Variants in GRID2 observed in about 807,000 individuals in gnomAD.
The protein encoded by GRID2 is glutamate receptor ionotropic, delta-2.
In GRID2, 33 loss-of-function variants were observed where a neutral mutation model predicts 114.8. The observed-to-expected ratio is 0.29, with a 90% CI of 0.22 to 0.38. GRID2 has a LOEUF of 0.38. Ranked by LOEUF, GRID2 falls within the 10% of genes least tolerant of loss-of-function variation. The pLI is 1.00. For synonymous variants in GRID2, 505 were observed against 449.9 expected, an observed-to-expected ratio of 1.12 and a Z score of -1.55; for missense variants, 1,184 against 1,257.7, an observed-to-expected ratio of 0.94 and a Z score of 0.89.
intron 1 of GRID2, among the ~76,000 whole-genome samples, chr4:92,537,214 T>G (rs145720097): frequency 1.5e-3 from 221 of 152,338 alleles, no homozygotes; most frequent in African/African-American, 5.1e-3. Context: ...AGGGATTCAC[T>G]TTGGTTATGA....
At chr4:92,962,153 C>T (rs1290513166) in intron 2 of GRID2, among the ~76,000 whole-genome samples, 3 of 151,906 alleles carry the variant, frequency 2.0e-5, no homozygotes, top group Non-Finnish European at 4.4e-5. Flanking sequence ...AACATCCCTG[C>T]CTTATCTGAG....
chr4:92,761,357 C>T (rs553526694), intron 2 of GRID2, among the ~76,000 whole-genome samples: 2 of 152,244 alleles, frequency 1.3e-5, no homozygotes, highest in South Asian at 2.1e-4. Flanking sequence ...GCTATTTGTA[C>T]TCTTTCACTG....
At chr4:93,239,181 TA>T (rs1747171127) in intron 8 of GRID2, among the ~76,000 whole-genome samples, 2 of 147,516 alleles carry the variant, frequency 1.4e-5, no homozygotes, top group Non-Finnish European at 3.0e-5. Flanking sequence ...AATATATATA[TA>T]TATAGCAAAT....
chr4:93,168,297 AAGAG>A (rs905103661), intron 4 of GRID2, among the ~76,000 whole-genome samples: 1 of 152,000 alleles, frequency 6.6e-6, no homozygotes, highest in Non-Finnish European at 1.5e-5. Flanking sequence ...GGAAGAAAGA[AAGAG>A]AAAGAAAGAC....
intron 8 of GRID2, among the ~76,000 whole-genome samples, chr4:93,244,594 ATTATATATTAATTAATAGATTATATAATC>A (rs1747975105): frequency 1.3e-4 from 6 of 44,944 alleles, no homozygotes; most frequent in African/African-American, 6.2e-4. Context: ...TATATAATCT[ATTATATATTAATTAATAGATTATATAATC>A]TATTATATAT....
At chr4:92,422,200 G>T (rs1731941113) in intron 1 of GRID2, among the ~76,000 whole-genome samples, 1 of 152,032 alleles carries the variant, frequency 6.6e-6, no homozygotes, top group African/African-American at 2.4e-5. Context: ...TAGGCAGCAG[G>T]TGGGAAAAAG....
intron 4 of GRID2, among the ~76,000 whole-genome samples, chr4:93,204,906 A>G (rs1742523905): frequency 6.6e-6 from 1 of 152,156 alleles, no homozygotes; most frequent in Non-Finnish European, 1.5e-5. Flanking sequence ...CTGTACTACT[A>G]TTGCTTCAGA....
chr4:93,400,074 G>A (rs1201246704), intron 9 of GRID2, among the ~76,000 whole-genome samples: 1 of 152,066 alleles, frequency 6.6e-6, no homozygotes, highest in African/African-American at 2.4e-5. Context: ...GCTAGCAGGA[G>A]CCAGACATAA....
At chr4:93,386,214 C>A (rs1228137049) in intron 8 of GRID2, among the ~76,000 whole-genome samples, 1 of 152,130 alleles carries the variant, frequency 6.6e-6, no homozygotes, top group Non-Finnish European at 1.5e-5. Flanking sequence ...AGCTACACTG[C>A]CTGTGTTCAA....
At position 93,196,183 on chromosome 4, in the gene GRID2, A is replaced by T. The variant is rs542285922; in HGVS notation, c.736-11221A>T. On this transcript the variant is annotated intron_variant, in intron 4 of 15. Transcript: ENST00000282020. ...ATCAAGCCCAACACCATTTGAAAACATTTTTTACAGTAGGCCACAAAGCTG... is the reference window on the plus strand; with the variant it reads ...ATCAAGCCCAACACCATTTGAAAACTTTTTTTACAGTAGGCCACAAAGCTG... Among the ~76,000 whole-genome samples, 12 of 152,262 alleles carry T rather than the reference A, an allele frequency of 7.9e-5. No individual in the cohort carries two copies. In the South Asian group the frequency reaches 2.5e-3, roughly 32 times the overall value.
chr4:93,771,321 A>G lies in GRID2; in HGVS notation c.2602-755A>G, dbSNP rs138021707. The stretch of plus-strand genomic sequence containing the variant: ...ACTGCCTTCTTACCAAGACGCCATT[A>G]GCATAGCTTAAAACGTCTTTGGTTT... On this transcript the variant is annotated intron_variant, in intron 15 of 15. Transcript: ENST00000282020. Among the ~76,000 whole-genome samples the G allele has an allele frequency of 2.7e-3, 413 of 152,310 alleles. 2 individuals are homozygous for G. The highest frequency in any genetic ancestry group is 9.5e-3 in the African/African-American group (395 of 41,570).
intron 4 of GRID2, among the ~76,000 whole-genome samples, chr4:93,170,475 GCACAT>G (rs1336114151): frequency 6.6e-6 from 1 of 152,108 alleles, no homozygotes; most frequent in African/African-American, 2.4e-5. Context: ...GGGCTTGGGT[GCACAT>G]CACATCCGGA....
intron 2 of GRID2, among the ~76,000 whole-genome samples, chr4:92,890,251 C>T (rs1296503921): frequency 2.0e-5 from 3 of 152,026 alleles, no homozygotes; most frequent in Admixed American, 1.3e-4. Context: ...GCAACAAAAG[C>T]CAAAATTGAC....
At chr4:93,580,670 A>C (rs529045141) in intron 13 of GRID2, among the ~76,000 whole-genome samples, 1 of 152,306 alleles carries the variant, frequency 6.6e-6, no homozygotes, top group East Asian at 1.9e-4. Flanking sequence ...CACTCTGCAA[A>C]GCATTACATG....
intron 2 of GRID2, among the ~76,000 whole-genome samples, chr4:92,759,995 A>G (rs1054830848): frequency 1.3e-5 from 2 of 151,536 alleles, no homozygotes; most frequent in Non-Finnish European, 2.9e-5. Context: ...GGTAGTTTAT[A>G]CGGCACATAG....
chr4:92,640,508 C>T (rs1560504865), intron 2 of GRID2, among the ~76,000 whole-genome samples: 1 of 151,716 alleles, frequency 6.6e-6, no homozygotes, highest in African/African-American at 2.4e-5. Context: ...AGTTTGGAAA[C>T]AATTAACAGC....
chr4:93,699,917 C>T (rs769789524), intron 14 of GRID2, among the ~76,000 whole-genome samples: 6 of 152,042 alleles, frequency 3.9e-5, no homozygotes, highest in Admixed American at 6.6e-5. Context: ...GACATATTTG[C>T]TCTAAACTAG....
intron 14 of GRID2, among the ~76,000 whole-genome samples, chr4:93,722,800 T>A (rs1280383151): frequency 6.6e-6 from 1 of 152,238 alleles, no homozygotes; most frequent in East Asian, 1.9e-4. Context: ...GAGAATTGAA[T>A]ACCTTTACAA....
At chr4:92,924,390 A>G (rs1023578382) in intron 2 of GRID2, among the ~76,000 whole-genome samples, 15 of 152,076 alleles carry the variant, frequency 9.9e-5, no homozygotes, top group African/African-American at 3.1e-4. Context: ...CCTAAAACTT[A>G]AAGTATAATT....
Sources: gnomAD v4.1 joint callset for allele counts (sites outside exome capture counted in the v4.1 genomes callset) on GRCh38, gnomAD v4.1.1 for gene constraint, MANE v1.5 for transcripts, NCBI Gene and HGNC (gene_info 2026-07-23, HGNC 2026-07-21) for gene names.